ZC3H3: variants seen among roughly 807,000 people sequenced by gnomAD.
The protein encoded by ZC3H3 is zinc finger CCCH-type containing 3, also known as zinc finger CCCH domain-containing protein 3.
In ZC3H3, 36 loss-of-function variants were observed where a neutral mutation model predicts 77.3. The observed-to-expected ratio is 0.47, with a 90% CI of 0.36 to 0.61. The LOEUF (loss-of-function observed/expected upper bound fraction) is 0.61. Among genes scored for constraint, ZC3H3 ranks in the 20% least tolerant of loss-of-function variants. The probability of loss-of-function intolerance (pLI) is 0.00; values close to 1 mark genes in which losing one functional copy is unlikely to be tolerated. For synonymous variants in ZC3H3, 626 were observed against 555.2 expected (o/e 1.13, Z -1.79); for missense variants, 1,331 against 1,312.2 (o/e 1.01, Z -0.22).
At chr8:143,486,233 C>T (rs1311173944) in intron 4 of ZC3H3, among the ~76,000 whole-genome samples, 1 of 152,282 alleles carries the variant, frequency 6.6e-6, no homozygotes, top group Non-Finnish European at 1.5e-5. Context: ...CCGCCAGGCG[C>T]GGCAATGTAG....
chr8:143,496,670 A>G (rs1821360759), intron 4 of ZC3H3, among the ~76,000 whole-genome samples: 1 of 151,958 alleles, frequency 6.6e-6, no homozygotes. Context: ...GAGTGGACAG[A>G]AGTCCGGTAA....
At chr8:143,503,167 A>C (rs1279788836) in intron 4 of ZC3H3, among the ~76,000 whole-genome samples, 3 of 152,330 alleles carry the variant, frequency 2.0e-5, no homozygotes, top group Middle Eastern at 3.4e-3. Context: ...CCAAGCAGCC[A>C]CATGGCCGGG....
chr8:143,472,561 C>T (rs2004100), intron 5 of ZC3H3, among the ~76,000 whole-genome samples: 28,491 of 152,126 alleles, frequency 0.19, 3,250 homozygotes, highest in East Asian at 0.37. Flanking sequence ...CTGGGCCATC[C>T]GGGTGGTGGG....
chr8:143,524,981 C>A (rs936100907), intron 3 of ZC3H3, among the ~76,000 whole-genome samples: 1 of 70,120 alleles, frequency 1.4e-5, no homozygotes, highest in East Asian at 6.6e-4. Flanking sequence ...AATACACACT[C>A]GAGCAAACCA....
At position 143,468,656 on chromosome 8, in the gene ZC3H3, C is replaced by T. The variant is rs1257801694; in HGVS notation, c.1907G>A (p.Arg636Gln). ...AGSRPLLRTG[R>Q]LDPAGSCSRS... ...GCTACAGCTGCCTGCAGGATCCAGC[C>T]GGCCTGTGGGGGAGAGAGGCACGGG... The change falls in exon 6 of 12, where the codon CGG (arginine) becomes CAG (glutamine). Residue 636 changes from arginine to glutamine, a missense_variant. This residue lies in a region of ZC3H3 where 978 missense variants were observed against 915.5 expected (regional missense o/e 1.07). Coordinates refer to ENST00000262577, the MANE Select transcript of ZC3H3 (RefSeq NM_015117.3). 1.3e-6 allele frequency: 2 copies of T among 1,550,288 alleles called. No homozygotes were observed. The highest frequency in any genetic ancestry group is 1.7e-6 in the Non-Finnish European group (2 of 1,147,396).
At chr8:143,532,587 G>A (rs1248507335) in intron 3 of ZC3H3, among the ~76,000 whole-genome samples, 1 of 152,270 alleles carries the variant, frequency 6.6e-6, no homozygotes, top group Non-Finnish European at 1.5e-5. Context: ...CCAGCCGATG[G>A]AGGCCTTGGC....
At chr8:143,515,058 T>C (rs981640037) in intron 3 of ZC3H3, among the ~76,000 whole-genome samples, 2 of 152,312 alleles carry the variant, frequency 1.3e-5, no homozygotes, top group African/African-American at 4.8e-5. Flanking sequence ...TGCCATGCCT[T>C]GCACCCACCG....
chr8:143,505,900 AG>A (rs1252511050), intron 4 of ZC3H3, among the ~76,000 whole-genome samples: 1 of 152,202 alleles, frequency 6.6e-6, no homozygotes, highest in African/African-American at 2.4e-5. Flanking sequence ...CCCCTACACC[AG>A]GGCACTCAGA....
At chr8:143,479,757 T>C (rs911519511) in intron 4 of ZC3H3, among the ~76,000 whole-genome samples, 18 of 152,142 alleles carry the variant, frequency 1.2e-4, no homozygotes, top group African/African-American at 4.3e-4. Flanking sequence ...CACCATAACC[T>C]TGACTACACC....
intron 3 of ZC3H3, among the ~76,000 whole-genome samples, chr8:143,528,677 T>C (rs901699024): frequency 1.3e-5 from 2 of 152,226 alleles, no homozygotes; most frequent in African/African-American, 4.8e-5. Context: ...CAGGGAGCCC[T>C]GTGTGGCTTT....
At chr8:143,500,479 T>C (rs1230451931) in intron 4 of ZC3H3, among the ~76,000 whole-genome samples, 1 of 152,248 alleles carries the variant, frequency 6.6e-6, no homozygotes, top group Non-Finnish European at 1.5e-5. Context: ...CGTCTCTGGC[T>C]CTCACCAGAT....
At chr8:143,537,602 C>G (rs1822843619) in intron 2 of ZC3H3, among the ~76,000 whole-genome samples, 1 of 152,222 alleles carries the variant, frequency 6.6e-6, no homozygotes, top group African/African-American at 2.4e-5. Flanking sequence ...AGACACACTG[C>G]TCTCTGTCTC....
At chr8:143,458,995 AAGAC>A (rs777684067) in intron 9 of ZC3H3, among the ~76,000 whole-genome samples, 48 of 152,170 alleles carry the variant, frequency 3.2e-4, no homozygotes, top group Non-Finnish European at 6.8e-4. Flanking sequence ...GAAAAGAAAA[AAGAC>A]AGAAAAGCAC....
intron 5 of ZC3H3, among the ~76,000 whole-genome samples, chr8:143,474,866 G>A (rs11136297): frequency 0.27 from 40,933 of 152,264 alleles, 5,752 homozygotes; most frequent in Non-Finnish European, 0.29. Context: ...TGGCGGCGCC[G>A]GCTGCCTCCA....
intron 4 of ZC3H3, among the ~76,000 whole-genome samples, chr8:143,498,370 G>A (rs1054910931): frequency 6.6e-6 from 1 of 152,156 alleles, no homozygotes. Flanking sequence ...AGGAGATCCC[G>A]GTACTTAGGG....
chr8:143,474,322 C>T (rs534132521), intron 5 of ZC3H3, among the ~76,000 whole-genome samples: 75 of 152,152 alleles, frequency 4.9e-4, no homozygotes, highest in African/African-American at 1.3e-3. Context: ...AGATCCTCAG[C>T]GAGTGGGGAT....
Position 143,468,616 on chromosome 8 carries a change from C to T in ZC3H3, c.1946+1G>A. On this transcript the variant is annotated splice_donor_variant, in intron 6 of 11. Transcript: ENST00000262577. LOFTEE classifies it high-confidence loss of function. The stretch of plus-strand genomic sequence containing the variant: ...CCCACTGCCCAGCCCAAAGGCATTA[C>T]CTGGCCAGGGAACGGCTACAGCTGC... The T allele has an allele frequency of 6.4e-7, 1 of 1,562,960 alleles. No homozygotes were observed. The highest frequency in any genetic ancestry group is 8.7e-7 in the Non-Finnish European group (1 of 1,154,358).
At chr8:143,520,974 G>T (rs1448056354) in intron 3 of ZC3H3, among the ~76,000 whole-genome samples, 1 of 152,212 alleles carries the variant, frequency 6.6e-6, no homozygotes, top group Non-Finnish European at 1.5e-5. Context: ...CTTCATAGCA[G>T]CAAGTTTCCC....
Position 143,539,141 on chromosome 8 carries a change from G to T in ZC3H3, c.226C>A (p.Leu76Ile), listed in dbSNP as rs1392831552. 8 of 1,613,004 alleles carry T rather than the reference G, an allele frequency of 5.0e-6. No individual in the cohort carries two copies. The highest frequency in any genetic ancestry group is 1.3e-5 in the African/African-American group (1 of 75,066). The change falls in exon 2 of 12, where the codon CTC (leucine) becomes ATC (isoleucine). Residue 76 changes from leucine to isoleucine, a missense_variant. Physicochemically the swap from Leu to Ile is conservative, Grantham distance 5. This residue lies in a region of ZC3H3 where 978 missense variants were observed against 915.5 expected (regional missense o/e 1.07). Coordinates refer to ENST00000262577, the MANE Select transcript of ZC3H3 (RefSeq NM_015117.3). ...HGPSWRKKYS[L>I]VNRPPGPSDP... ...GAGGGTCCCGGGGGCCGATTCACGA[G>T]GGAGTATTTCTTGCGCCACGAAGGC...
Sources: gnomAD v4.1 joint callset for allele counts (sites outside exome capture counted in the v4.1 genomes callset) on GRCh38, gnomAD v4.1.1 for gene constraint, gnomAD v4.1.1 regional missense constraint, MANE v1.5 for transcripts, NCBI Gene and HGNC (gene_info 2026-07-23, HGNC 2026-07-21) for gene names.